Variants in NUP62 observed in about 807,000 individuals in gnomAD.
NUP62 encodes the protein nuclear pore glycoprotein p62.
For missense variants in NUP62, 647 were observed against 689.4 expected (o/e 0.94, Z 0.69); for synonymous variants, 305 against 303.4 (o/e 1.01, Z -0.05).
intron 2 of NUP62, chr19:49,911,084 T>G (rs1331308657): frequency 6.6e-6 from 1 of 152,174 alleles, no homozygotes; most frequent in Non-Finnish European, 1.5e-5. Context: ...TTTTTTATTT[T>G]TTGTGGAAAT....
At chr19:49,926,707 A>C (rs2075899984) in intron 2 of NUP62, among the ~76,000 whole-genome samples, 1 of 152,198 alleles carries the variant, frequency 6.6e-6, no homozygotes, top group South Asian at 2.1e-4. Flanking sequence ...AAAAATCTAT[A>C]CAGCAATGGA....
chr19:49,918,315 T>A (rs1438877709), intron 2 of NUP62, among the ~76,000 whole-genome samples: 1 of 152,104 alleles, frequency 6.6e-6, no homozygotes, highest in Non-Finnish European at 1.5e-5. Context: ...TCCTCCCACC[T>A]CTGCCTCCCA....
At chr19:49,922,510 G>A (rs573942311) in intron 2 of NUP62, among the ~76,000 whole-genome samples, 1 of 151,978 alleles carries the variant, frequency 6.6e-6, no homozygotes, top group East Asian at 1.9e-4. Context: ...CAGCACAGAG[G>A]GGACCAGCCT....
rs758048701 is a variant in NUP62 at position 49,907,395 on chromosome 19, T to A, written c.*844A>T. ...TCAACACCCTGTGTGTGCAGGCCCC[T>A]CAGCTGACCTGTCTTCTGTGAAATT... is the stretch of plus-strand genomic sequence containing the variant. On this transcript the variant is annotated 3_prime_UTR_variant, in exon 3 of 3. Coordinates refer to ENST00000352066, the MANE Select transcript of NUP62 (RefSeq NM_016553.5). 76 of 376,134 alleles carry A rather than the reference T, an allele frequency of 2.0e-4. No individual in the cohort carries two copies. Among genetic ancestry groups the A allele is most frequent in the Non-Finnish European group, 3.4e-4 (67 of 196,288 alleles). 23.3% of individuals were successfully genotyped at this position (376,134 alleles called of 1,614,324 possible).
rs767752715 is a variant in NUP62, at chr19:49,908,982, T to TGGCAGC, written c.820_825dup (p.Ala274_Ala275dup). ...CTGCTGGTGGTGGTGGCGGTGGCGG[T>TGGCAGC]GGCAGCGGTGGATGTTGTTGTGGAG... On this transcript the variant is annotated inframe_insertion, in exon 3 of 3. Coordinates refer to ENST00000352066, the MANE Select transcript of NUP62 (RefSeq NM_016553.5). 3.7e-6 allele frequency: 6 copies of TGGCAGC among 1,608,324 alleles called. No individual in the cohort carries two copies. The highest frequency in any genetic ancestry group is 2.2e-5 in the East Asian group (1 of 44,692).
At position 49,907,620 on chromosome 19, in the gene NUP62, C is replaced by T. The variant is rs759982814; in HGVS notation, c.*619G>A. 2 of 396,456 alleles carry T rather than the reference C, an allele frequency of 5.0e-6. No individual in the cohort carries two copies. The highest frequency in any genetic ancestry group is 2.2e-5 in the African/African-American group (1 of 46,092). The allele number at this position is 396,456 out of a possible 1,614,324, so 24.6% of individuals were successfully genotyped here. On this transcript the variant is annotated 3_prime_UTR_variant, in exon 3 of 3. Transcript: ENST00000352066. ...GGTGTGATCTTGGTTCACTGCAACA[C>T]CTCCTGGGTTCAAGTGATTCTCCTG...
chr19:49,925,300 A>G (rs937383941), intron 2 of NUP62, among the ~76,000 whole-genome samples: 2 of 151,662 alleles, frequency 1.3e-5, no homozygotes, highest in Non-Finnish European at 1.5e-5. Context: ...CAAAACAAAA[A>G]ACCCAGGCCG....
At chr19:49,916,340 G>A (rs2122680940) in intron 2 of NUP62, among the ~76,000 whole-genome samples, 1 of 151,686 alleles carries the variant, frequency 6.6e-6, no homozygotes, top group South Asian at 2.1e-4. Context: ...TGGCCAACAT[G>A]GTGTATCTTT....
rs748368965 is a variant in NUP62, at chr19:49,908,386, G to C, written c.1422C>G (p.Ile474Met). ...CCATGTGCGCATTGAGGATCTTGCA[G>C]ATCTGCTGCAGTGGGTCACTGGTGT... ...PADTSDPLQQICKILNAHMDS... is the reference protein window; with the variant it reads ...PADTSDPLQQMCKILNAHMDS... The change falls in exon 3 of 3, where the codon ATC becomes ATG. Residue 474 changes from isoleucine to methionine, a missense_variant. Physicochemically the swap from Ile to Met is conservative, Grantham distance 10. Transcript: ENST00000352066. 8 of 1,614,240 alleles carry C rather than the reference G, an allele frequency of 5.0e-6. No individual in the cohort carries two copies. Among genetic ancestry groups the C allele is most frequent in the Non-Finnish European group, 6.8e-6 (8 of 1,180,052 alleles).
chr19:49,910,556 G>A (rs995295396), intron 2 of NUP62, among the ~76,000 whole-genome samples: 1 of 152,112 alleles, frequency 6.6e-6, no homozygotes, highest in African/African-American at 2.4e-5. Context: ...CCAGGCAATC[G>A]GAGCCTCCCC....
intron 2 of NUP62, among the ~76,000 whole-genome samples, chr19:49,911,612 C>T (rs1486617312): frequency 6.6e-6 from 1 of 152,150 alleles, no homozygotes; most frequent in Non-Finnish European, 1.5e-5. Context: ...TCGTCTGCTC[C>T]TCCTTCTCCA....
chr19:49,922,745 T>C (rs1033854322), intron 2 of NUP62, among the ~76,000 whole-genome samples: 7 of 150,656 alleles, frequency 4.6e-5, no homozygotes, highest in Non-Finnish European at 1.0e-4. Context: ...GCTTCTCCCG[T>C]GAAACCAGCA....
At chr19:49,912,951 G>C (rs2075513578) in intron 2 of NUP62, 1 of 152,260 alleles carries the variant, frequency 6.6e-6, no homozygotes, top group Non-Finnish European at 1.5e-5. Context: ...TGAGGAAAGT[G>C]AAGCCCAGAG....
chr19:49,915,819 A>G (rs1035337811), intron 2 of NUP62, among the ~76,000 whole-genome samples: 2 of 152,204 alleles, frequency 1.3e-5, no homozygotes, highest in African/African-American at 4.8e-5. Flanking sequence ...AGGACTGTGG[A>G]TGTGTGTGGG....
intron 2 of NUP62, among the ~76,000 whole-genome samples, chr19:49,913,559 C>T (rs1167489043): frequency 6.6e-6 from 1 of 152,252 alleles, no homozygotes; most frequent in Non-Finnish European, 1.5e-5. Flanking sequence ...AGCGTTACCA[C>T]ACGCTGTTGC....
chr19:49,909,580 A>G lies in NUP62; in HGVS notation c.228T>C (p.Phe76=). 1.2e-6 allele frequency: 2 copies of G among 1,614,216 alleles called. No individual in the cohort carries two copies. The highest frequency in any genetic ancestry group is 1.7e-6 in the Non-Finnish European group (2 of 1,180,036). The change falls in exon 3 of 3, where the codon TTT becomes TTC. Residue 76 remains phenylalanine, a synonymous_variant. Coordinates refer to ENST00000352066, the MANE Select transcript of NUP62 (RefSeq NM_016553.5). The part of the protein sequence containing the change: ...TPATQTTGFT[F]GTATLASGGT... Reference sequence around the variant, plus strand: ...CCCCCGAAGCAAGAGTCGCTGTTCCAAAAGTGAAGCCTGTCGTCTGTGTGG... The same window carrying G: ...CCCCCGAAGCAAGAGTCGCTGTTCCGAAAGTGAAGCCTGTCGTCTGTGTGG...
chr19:49,919,358 T>G (rs904301118), intron 2 of NUP62, among the ~76,000 whole-genome samples: 3 of 152,222 alleles, frequency 2.0e-5, no homozygotes, highest in African/African-American at 7.2e-5. Context: ...TATCCCCACC[T>G]GCACACAAAA....
chr19:49,923,501 G>A (rs766087058), intron 2 of NUP62, among the ~76,000 whole-genome samples: 40 of 152,194 alleles, frequency 2.6e-4, no homozygotes, highest in Non-Finnish European at 4.6e-4. Context: ...TCTGCACACG[G>A]CGGATCTGAA....
At position 49,907,537 on chromosome 19, in the gene NUP62, C is replaced by CTT. The variant is rs4009637; in HGVS notation, c.*700_*701dup. 3,072 of 330,054 alleles carry CTT rather than the reference C, an allele frequency of 9.3e-3. 1 individual carries two copies. Among genetic ancestry groups the CTT allele is most frequent in the South Asian group, 0.017 (759 of 45,780 alleles). 20.4% of individuals were successfully genotyped at this position (330,054 alleles called of 1,614,324 possible). A position where few individuals can be genotyped will look rare whatever the true frequency, so the allele number is the denominator to read the frequency against. On this transcript the variant is annotated 3_prime_UTR_variant, in exon 3 of 3. Transcript: ENST00000352066. ...CTAGGCTGCTGTCTCCTGGGAGTTT[C>CTT]TTTTTTTTTTTTTTTTTTTTTGAGA... is the stretch of plus-strand genomic sequence containing the variant.
Sources: gnomAD v4.1 joint callset for allele counts (sites outside exome capture counted in the v4.1 genomes callset) on GRCh38, gnomAD v4.1.1 for gene constraint, MANE v1.5 for transcripts, NCBI Gene and HGNC (gene_info 2026-07-23, HGNC 2026-07-21) for gene names.